Variants in SLC10A4 observed in about 807,000 individuals in gnomAD.
The protein encoded by SLC10A4 is putative sodium/bile acid cotransporter 4.
A neutral mutation model predicts 22.5 loss-of-function variants in SLC10A4; 17 were observed. The observed-to-expected ratio is 0.76, with a 90% confidence interval of 0.52 to 1.14. SLC10A4 has a LOEUF of 1.14. SLC10A4 is among the 50% of genes most tolerant of loss of function. The probability of loss-of-function intolerance (pLI) is 0.00; values close to 1 mark genes in which losing one functional copy is unlikely to be tolerated. For synonymous variants in SLC10A4, 257 were observed against 258.2 expected, an observed-to-expected ratio of 1.00 and a Z score of 0.04; for missense variants, 548 against 584.0, an observed-to-expected ratio of 0.94 and a Z score of 0.64.
Position 48,483,509 on chromosome 4 carries a change from CGGCGAGAGGCACGCGGCGGGAG to C in SLC10A4, c.-50_-29del. The C allele has an allele frequency of 7.1e-7, 1 of 1,408,040 alleles. No individual in the cohort carries two copies. Among genetic ancestry groups the C allele is most frequent in the South Asian group, 1.4e-5 (1 of 73,264 alleles). The allele number at this position is 1,408,040 out of a possible 1,614,324, so 87.2% of individuals were successfully genotyped here. On this transcript the variant is annotated 5_prime_UTR_variant, in exon 1 of 3. Coordinates refer to ENST00000273861, the MANE Select transcript of SLC10A4 (RefSeq NM_152679.4). This position sits in a 1 kb window ranked among gnomAD's most constrained non-coding sequence, Gnocchi z 5.4. ...GGCGGCGACTGCGGCGACCGCGGGA[CGGCGAGAGGCACGCGGCGGGAG>C]GGGACCGGAATCCGCAGCTCCGGCC...
In SLC10A4 at chr4:48,488,568, G is replaced by A; in HGVS notation, c.943G>A (p.Gly315Ser). Residue 315 changes from glycine (G) to serine (S), a missense_variant, in exon 3 of 3, where the codon GGT becomes AGT. By Grantham distance (56) the Gly-to-Ser change is moderately conservative. This residue lies in a region of SLC10A4 where 314 missense variants were observed against 353.2 expected (regional missense o/e 0.89). Transcript: ENST00000273861. ...IFMPLAGYAS[G>S]YGLATLFHLP... The stretch of plus-strand genomic sequence containing the variant: ...TATGCCTTTGGCAGGCTACGCTTCA[G>A]GTTATGGTTTAGCTACTCTCTTCCA... 6.2e-7 allele frequency: 1 copy of A among 1,613,972 alleles called. No homozygotes were observed.
rs747233968 is a variant in SLC10A4 at position 48,483,687 on chromosome 4, C to G, written c.126C>G (p.Ala42=). The G allele has an allele frequency of 6.8e-7, 1 of 1,469,368 alleles. No individual in the cohort carries two copies. Among genetic ancestry groups the G allele is most frequent in the South Asian group, 1.3e-5 (1 of 77,100 alleles). The allele number at this position is 1,469,368 out of a possible 1,614,324, so 91.0% of individuals were successfully genotyped here. Residue 42 remains alanine, a synonymous_variant, in exon 1 of 3, where the codon GCC becomes GCG. Coordinates refer to ENST00000273861, the MANE Select transcript of SLC10A4 (RefSeq NM_152679.4). The surrounding 1 kb of genome is among the most constrained non-coding windows in gnomAD (Gnocchi z 5.4). The part of the protein sequence containing the change: ...TDLALAPASS[A]GPGPGLSLGP... ...TCGCCCTCGCCCCTGCCTCCAGCGC[C>G]GGCCCCGGCCCTGGGCTCAGCCTCG...
Position 48,485,074 on chromosome 4 carries a change from CTCA to C in SLC10A4, c.735_737del (p.Ile246del). 6.2e-7 allele frequency: 1 copy of C among 1,614,114 alleles called. No homozygotes were observed. Among genetic ancestry groups the C allele is most frequent in the Non-Finnish European group, 8.5e-7 (1 of 1,180,024 alleles). On this transcript the variant is annotated inframe_deletion, in exon 2 of 3. Coordinates refer to ENST00000273861, the MANE Select transcript of SLC10A4 (RefSeq NM_152679.4). ...CGTGACCCTGACTCTCTGCAGCACTCTCATACCTATCGGGTTGGGCGTCTTCAT... is the reference window on the plus strand; with the variant it reads ...CGTGACCCTGACTCTCTGCAGCACTCTACCTATCGGGTTGGGCGTCTTCAT...
chr4:48,487,990 G>A (rs1718310773), intron 2 of SLC10A4, among the ~76,000 whole-genome samples: 1 of 151,322 alleles, frequency 6.6e-6, no homozygotes, highest in Non-Finnish European at 1.5e-5. Flanking sequence ...TTTTAGTAGA[G>A]ACAGTGTTTC....
rs770287645 is a variant in SLC10A4, at chr4:48,488,507, A to T, written c.882A>T (p.Ala294=). Residue 294 remains alanine (A), a synonymous_variant, in exon 3 of 3, where the codon GCA becomes GCT. Coordinates refer to ENST00000273861, the MANE Select transcript of SLC10A4 (RefSeq NM_152679.4). ...CTATGTTAGGACCTGAACTGCTGGCAAGTATCCCTGCAGCTGTTTATGTGA... is the reference window on the plus strand; with the variant it reads ...CTATGTTAGGACCTGAACTGCTGGCTAGTATCCCTGCAGCTGTTTATGTGA... The part of the protein sequence containing the change: ...TGTMLGPELL[A]SIPAAVYVIA... 6.2e-7 allele frequency: 1 copy of T among 1,613,736 alleles called. No homozygotes were observed. Among genetic ancestry groups the T allele is most frequent in the Non-Finnish European group, 8.5e-7 (1 of 1,179,980 alleles).
intron 2 of SLC10A4, among the ~76,000 whole-genome samples, chr4:48,487,772 A>AT (rs1379092839): frequency 2.9e-4 from 8 of 27,770 alleles, no homozygotes; most frequent in South Asian, 3.1e-3. Flanking sequence ...TTTGAAGGCT[A>AT]TTTTTTTTTG....
At position 48,485,087 on chromosome 4, in the gene SLC10A4, G is replaced by C; in HGVS notation, c.746G>C (p.Gly249Ala). 6.2e-7 allele frequency: 1 copy of C among 1,614,032 alleles called. No individual in the cohort carries two copies. The highest frequency in any genetic ancestry group is 8.5e-7 in the Non-Finnish European group (1 of 1,180,020). ...CTCTGCAGCACTCTCATACCTATCG[G>C]GTTGGGCGTCTTCATTCGCTACAAA... ...LTLCSTLIPIGLGVFIRYKYS... is the reference protein window; with the variant it reads ...LTLCSTLIPIALGVFIRYKYS... Residue 249 changes from glycine (G) to alanine (A), a missense_variant, in exon 2 of 3, where the codon GGG becomes GCG. Gly to Ala is a moderately conservative substitution (Grantham distance 60). This residue lies in a region of SLC10A4 where 314 missense variants were observed against 353.2 expected (regional missense o/e 0.89). Transcript: ENST00000273861.
At chr4:48,488,005 T>C (rs1718311073) in intron 2 of SLC10A4, among the ~76,000 whole-genome samples, 1 of 151,706 alleles carries the variant, frequency 6.6e-6, no homozygotes, top group South Asian at 2.1e-4. Context: ...TGTTTCACCA[T>C]CTTGGCCAGC....
Position 48,485,072 on chromosome 4 carries a change from C to G in SLC10A4, c.731C>G (p.Thr244Ser). 6.2e-7 allele frequency: 1 copy of G among 1,614,116 alleles called. No homozygotes were observed. Among genetic ancestry groups the G allele is most frequent in the South Asian group, 1.1e-5 (1 of 91,068 alleles). Residue 244 changes from threonine (T) to serine (S), a missense_variant, in exon 2 of 3, where the codon ACT (threonine) becomes AGT (serine). Thr to Ser is a moderately conservative substitution (Grantham distance 58, BLOSUM62 1). Transcript: ENST00000273861. ...LGTVTLTLCSTLIPIGLGVFI... is the reference protein window; with the variant it reads ...LGTVTLTLCSSLIPIGLGVFI... Reference sequence around the variant, plus strand: ...ACCGTGACCCTGACTCTCTGCAGCACTCTCATACCTATCGGGTTGGGCGTC... The same window carrying G: ...ACCGTGACCCTGACTCTCTGCAGCAGTCTCATACCTATCGGGTTGGGCGTC...
Position 48,483,762 on chromosome 4 carries a change from G to GC in SLC10A4, c.204dup (p.Thr69HisfsTer123). On this transcript the variant is annotated frameshift_variant, in exon 1 of 3. Transcript: ENST00000273861. LOFTEE classifies it high-confidence loss of function. The surrounding 1 kb of genome is among the most constrained non-coding windows in gnomAD (Gnocchi z 5.4). ...GCCCCGGCCCCACTCCGACCCCGGA[G>GC]CCCACGACCAGCGGCCTCGCGGGCG... The GC allele has an allele frequency of 6.7e-7, 1 of 1,485,084 alleles. No individual in the cohort carries two copies. The highest frequency in any genetic ancestry group is 8.9e-7 in the Non-Finnish European group (1 of 1,123,826). 92.0% of individuals were successfully genotyped at this position (1,485,084 alleles called of 1,614,324 possible). A position where few individuals can be genotyped will look rare whatever the true frequency, so the allele number is the denominator to read the frequency against.
rs1175295128 is a variant in SLC10A4, at chr4:48,489,191, C to T, written c.*252C>T. ...AAATGTGGTTTTTAGTTTTTACCAT[C>T]ACCAATTTCTATGACTGTTGCAAAT... On this transcript the variant is annotated 3_prime_UTR_variant, in exon 3 of 3. Transcript: ENST00000273861. 2.7e-6 allele frequency: 1 copy of T among 364,028 alleles called. No homozygotes were observed. The highest frequency in any genetic ancestry group is 4.9e-6 in the Non-Finnish European group (1 of 204,678). The allele number at this position is 364,028 out of a possible 1,614,324, so 22.5% of individuals were successfully genotyped here.
intron 2 of SLC10A4, among the ~76,000 whole-genome samples, chr4:48,488,055 G>A (rs1718312164): frequency 6.6e-6 from 1 of 151,422 alleles, no homozygotes; most frequent in African/African-American, 2.4e-5. Flanking sequence ...ACCCACCTTA[G>A]CCTCCCAAAG....
At chr4:48,484,638 A>C (rs190088300) in intron 1 of SLC10A4, among the ~76,000 whole-genome samples, 25 of 152,246 alleles carry the variant, frequency 1.6e-4, no homozygotes, top group Admixed American at 1.6e-3. Context: ...GGGGGCTTGC[A>C]AGGAAGAACG....
At chr4:48,488,088 C>T (rs1313948257) in intron 2 of SLC10A4, among the ~76,000 whole-genome samples, 3 of 151,408 alleles carry the variant, frequency 2.0e-5, no homozygotes, top group Non-Finnish European at 4.4e-5. Flanking sequence ...AGGTGTGAGC[C>T]ACCGCGCCTG....
chr4:48,487,399 T>C (rs1718300123), intron 2 of SLC10A4, among the ~76,000 whole-genome samples: 1 of 152,212 alleles, frequency 6.6e-6, no homozygotes, highest in South Asian at 2.1e-4. Flanking sequence ...TGCAGTATAT[T>C]TTGAGGGTTA....
Position 48,483,705 on chromosome 4 carries a change from C to T in SLC10A4, c.144C>T (p.Leu48=), listed in dbSNP as rs1718222778. ...CCAGCGCCGGCCCCGGCCCTGGGCT[C>T]AGCCTCGGGCCGGGTCCGAGCTTCG... ...PASSAGPGPG[L]SLGPGPSFGF... The change falls in exon 1 of 3, where the codon CTC becomes CTT. Residue 48 remains leucine (L), a synonymous_variant. Transcript: ENST00000273861. The surrounding 1 kb of genome is among the most constrained non-coding windows in gnomAD (Gnocchi z 5.4). The T allele has an allele frequency of 6.3e-6, 9 of 1,436,844 alleles. No individual in the cohort carries two copies. Among genetic ancestry groups the T allele is most frequent in the Non-Finnish European group, 7.2e-6 (8 of 1,103,530 alleles). 89.0% of individuals were successfully genotyped at this position (1,436,844 alleles called of 1,614,324 possible).
Position 48,488,580 on chromosome 4 carries a change from G to C in SLC10A4, c.955G>C (p.Ala319Pro). 2 of 1,614,004 alleles carry C rather than the reference G, an allele frequency of 1.2e-6. No homozygotes were observed. Among genetic ancestry groups the C allele is most frequent in the South Asian group, 2.2e-5 (2 of 91,060 alleles). ...AGGCTACGCTTCAGGTTATGGTTTAGCTACTCTCTTCCATCTTCCACCCAA... is the reference window on the plus strand; with the variant it reads ...AGGCTACGCTTCAGGTTATGGTTTACCTACTCTCTTCCATCTTCCACCCAA... ...LAGYASGYGL[A>P]TLFHLPPNCK... Residue 319 changes from alanine (A) to proline (P), a missense_variant, in exon 3 of 3, where the codon GCT (alanine) becomes CCT (proline). Ala to Pro is a conservative substitution (Grantham distance 27). Coordinates refer to ENST00000273861, the MANE Select transcript of SLC10A4 (RefSeq NM_152679.4).
chr4:48,484,103 A>G lies in SLC10A4; in HGVS notation c.542A>G (p.Asn181Ser). ...VLLCGCCPGG[N>S]LSNLMSLLVD... Reference sequence around the variant, plus strand: ...CTGTGTGGCTGCTGTCCCGGCGGCAATCTCTCCAATCTTATGTCCCTGCTG... The same window carrying G: ...CTGTGTGGCTGCTGTCCCGGCGGCAGTCTCTCCAATCTTATGTCCCTGCTG... The change falls in exon 1 of 3, where the codon AAT becomes AGT. Residue 181 changes from asparagine to serine, a missense_variant. Physicochemically the swap from Asn to Ser is conservative, Grantham distance 46. Transcript: ENST00000273861. 2 of 1,601,084 alleles carry G rather than the reference A, an allele frequency of 1.2e-6. No individual in the cohort carries two copies. The highest frequency in any genetic ancestry group is 1.7e-6 in the Non-Finnish European group (2 of 1,174,116).
chr4:48,488,561 C>G lies in SLC10A4; in HGVS notation c.936C>G (p.Tyr312Ter). Residue 312 changes from tyrosine to a stop codon, truncating the protein, a stop_gained, in exon 3 of 3, where the codon TAC (tyrosine) becomes TAG (stop). Coordinates refer to ENST00000273861, the MANE Select transcript of SLC10A4 (RefSeq NM_152679.4). LOFTEE classifies it high-confidence loss of function. ...CAATTTTTATGCCTTTGGCAGGCTA[C>G]GCTTCAGGTTATGGTTTAGCTACTC... ...VIAIFMPLAG[Y>*]ASGYGLATLF... is the part of the protein sequence containing the mutation. The G allele has an allele frequency of 6.2e-7, 1 of 1,613,896 alleles. No individual in the cohort carries two copies. Among genetic ancestry groups the G allele is most frequent in the Non-Finnish European group, 8.5e-7 (1 of 1,180,006 alleles).
Sources: gnomAD v4.1 joint callset for allele counts (sites outside exome capture counted in the v4.1 genomes callset) on GRCh38, gnomAD v4.1.1 for gene constraint, gnomAD v4.1.1 regional missense constraint, Gnocchi (gnomAD v3.1) non-coding constraint, MANE v1.5 for transcripts, NCBI Gene and HGNC (gene_info 2026-07-23, HGNC 2026-07-21) for gene names.